Variants in SH3GL3 observed in about 807,000 individuals in gnomAD.
SH3GL3 encodes the protein SH3 domain containing GRB2 like 3, endophilin A3.
SH3GL3 carries 33 observed loss-of-function variants against 47.7 expected under a neutral mutation model. The observed-to-expected ratio is 0.69, with a 90% CI of 0.52 to 0.92. SH3GL3 has a LOEUF of 0.92. Among genes scored for constraint, SH3GL3 ranks in the 40% least tolerant of loss-of-function variants. SH3GL3 has a pLI of 0.00. For missense variants in SH3GL3, 363 were observed against 417.8 expected, an observed-to-expected ratio of 0.87 and a Z score of 1.14; for synonymous variants, 155 against 148.8, an observed-to-expected ratio of 1.04 and a Z score of -0.30.
chr15:83,608,648 C>T (rs2060588827), intron 8 of SH3GL3, among the ~76,000 whole-genome samples: 1 of 152,128 alleles, frequency 6.6e-6, no homozygotes, highest in African/African-American at 2.4e-5. Context: ...GCTCCATGCT[C>T]CTGGCTCCAT....
intron 8 of SH3GL3, among the ~76,000 whole-genome samples, chr15:83,598,966 T>TA (rs904426586): frequency 6.6e-6 from 1 of 152,256 alleles, no homozygotes; most frequent in Non-Finnish European, 1.5e-5. Context: ...ATTGATTTTA[T>TA]AAAAAACGTA....
intron 1 of SH3GL3, among the ~76,000 whole-genome samples, chr15:83,473,337 G>A (rs551189573): frequency 6.6e-6 from 1 of 152,082 alleles, no homozygotes; most frequent in Admixed American, 6.5e-5. Context: ...ATTTCAGCCT[G>A]GCAAGGGTAG....
chr15:83,580,390 G>A (rs1249771757), intron 6 of SH3GL3, among the ~76,000 whole-genome samples: 4 of 152,314 alleles, frequency 2.6e-5, no homozygotes, highest in African/African-American at 7.2e-5. Context: ...CTGGAGACAA[G>A]GTGCACAAAC....
At chr15:83,531,477 A>G (rs973201452) in intron 1 of SH3GL3, among the ~76,000 whole-genome samples, 1 of 152,208 alleles carries the variant, frequency 6.6e-6, no homozygotes. Flanking sequence ...CCAAGAGTTT[A>G]GGAATGGAGA....
At chr15:83,607,777 C>T (rs529436240) in intron 8 of SH3GL3, among the ~76,000 whole-genome samples, 1 of 151,684 alleles carries the variant, frequency 6.6e-6, no homozygotes, top group Admixed American at 6.6e-5. Flanking sequence ...ATGCCAATGG[C>T]CAGAAAGCCA....
At chr15:83,592,302 T>C (rs1166037250) in intron 8 of SH3GL3, among the ~76,000 whole-genome samples, 1 of 152,206 alleles carries the variant, frequency 6.6e-6, no homozygotes. Context: ...AAATATTCAT[T>C]GTGTAATCAT....
intron 1 of SH3GL3, among the ~76,000 whole-genome samples, chr15:83,531,225 C>A (rs1353016477): frequency 6.6e-6 from 1 of 152,156 alleles, no homozygotes; most frequent in Non-Finnish European, 1.5e-5. Flanking sequence ...GAATATAAGA[C>A]CCTGTCCCCA....
chr15:83,571,935 A>G (rs2045837802), intron 4 of SH3GL3, among the ~76,000 whole-genome samples: 1 of 152,052 alleles, frequency 6.6e-6, no homozygotes, highest in Admixed American at 6.5e-5. Context: ...ATCCAGGAAA[A>G]ACTACCTGCC....
chr15:83,576,741 T>C lies in SH3GL3; in HGVS notation c.624T>C (p.Asp208=). ...GCATGTTTAACTTTTTAGAAAATGA[T>C]GTAAGTATTTAAACCAAATAGGAGA... ...ERSMFNFLEN[D]VEQVSQLAVF... Residue 208 remains aspartate (D), a splice_region_variant and synonymous_variant, in exon 6 of 9, where the codon GAT becomes GAC. Coordinates refer to ENST00000427482, the MANE Select transcript of SH3GL3 (RefSeq NM_003027.5). 4 of 1,589,706 alleles carry C rather than the reference T, an allele frequency of 2.5e-6. No individual in the cohort carries two copies. The highest frequency in any genetic ancestry group is 3.4e-6 in the Non-Finnish European group (4 of 1,163,354).
intron 1 of SH3GL3, among the ~76,000 whole-genome samples, chr15:83,526,160 G>A (rs1264466012): frequency 6.6e-6 from 1 of 152,048 alleles, no homozygotes; most frequent in Non-Finnish European, 1.5e-5. Context: ...TTATTAAAAA[G>A]TCAAAAAAAT....
At chr15:83,552,463 T>C (rs1424444156) in intron 1 of SH3GL3, among the ~76,000 whole-genome samples, 1 of 152,210 alleles carries the variant, frequency 6.6e-6, no homozygotes, top group East Asian at 1.9e-4. Context: ...TGTTGGTTCC[T>C]AACTTAATTG....
chr15:83,597,339 C>G (rs1486409383), intron 8 of SH3GL3, among the ~76,000 whole-genome samples: 1 of 152,128 alleles, frequency 6.6e-6, no homozygotes, highest in Non-Finnish European at 1.5e-5. Flanking sequence ...CTGAGCCTAC[C>G]CACATAAACC....
chr15:83,530,732 TTA>T, intron 1 of SH3GL3, among the ~76,000 whole-genome samples: 1 of 152,312 alleles, frequency 6.6e-6, no homozygotes, highest in African/African-American at 2.4e-5. Context: ...GCTTTTTTTC[TTA>T]TGTTGAAACT....
intron 1 of SH3GL3, among the ~76,000 whole-genome samples, chr15:83,550,431 C>A (rs1357944922): frequency 2.0e-5 from 3 of 152,100 alleles, no homozygotes; most frequent in African/African-American, 7.2e-5. Context: ...TGCTCTGTCA[C>A]CCAGGCTGGA....
chr15:83,540,895 C>T (rs2044121867), intron 1 of SH3GL3, among the ~76,000 whole-genome samples: 1 of 152,174 alleles, frequency 6.6e-6, no homozygotes, highest in Admixed American at 6.5e-5. Context: ...TTATATCTGA[C>T]TATATTTTTG....
downstream of SH3GL3, among the ~76,000 whole-genome samples, chr15:83,623,578 G>A (rs1444126597): frequency 6.6e-6 from 1 of 152,194 alleles, no homozygotes; most frequent in Non-Finnish European, 1.5e-5. Flanking sequence ...CTCACAGGCT[G>A]CGCCTGCTAC....
At chr15:83,564,170 T>G (rs1264514335) in intron 2 of SH3GL3, among the ~76,000 whole-genome samples, 2 of 152,170 alleles carry the variant, frequency 1.3e-5, no homozygotes, top group Non-Finnish European at 2.9e-5. Context: ...TCTGATTTTT[T>G]TAGGTTGATA....
chr15:83,543,943 C>T (rs940789929), intron 1 of SH3GL3, among the ~76,000 whole-genome samples: 1 of 150,508 alleles, frequency 6.6e-6, no homozygotes, highest in Non-Finnish European at 1.5e-5. Context: ...CAATTTTGTT[C>T]GTCTTTTCAA....
chr15:83,537,918 G>C (rs2043988685), intron 1 of SH3GL3, among the ~76,000 whole-genome samples: 1 of 152,160 alleles, frequency 6.6e-6, no homozygotes, highest in Non-Finnish European at 1.5e-5. Flanking sequence ...TATATGTAGA[G>C]AGGAATGTGG....
Sources: gnomAD v4.1 joint callset for allele counts (sites outside exome capture counted in the v4.1 genomes callset) on GRCh38, gnomAD v4.1.1 for gene constraint, MANE v1.5 for transcripts, NCBI Gene and HGNC (gene_info 2026-07-23, HGNC 2026-07-21) for gene names.